The following HACE1 variants were observed in gnomAD, a reference collection of about 807,000 sequenced individuals.
HACE1 encodes the protein E3 ubiquitin-protein ligase HACE1.
A neutral mutation model predicts 118.4 loss-of-function variants in HACE1; 73 were observed. That is an observed-to-expected ratio of 0.62 (90% CI 0.51 to 0.75). HACE1 has a LOEUF of 0.75. Ranked by LOEUF, HACE1 falls within the 30% of genes least tolerant of loss-of-function variation. The pLI, the probability that HACE1 is intolerant of heterozygous loss-of-function variation, is 0.00. For synonymous variants in HACE1, 368 were observed against 374.8 expected (o/e 0.98, Z 0.21); for missense variants, 749 against 1,102.2 (o/e 0.68, Z 4.54).
At chr6:104,801,708 T>G (rs1259362131) in intron 7 of HACE1, among the ~76,000 whole-genome samples, 1 of 152,118 alleles carries the variant, frequency 6.6e-6, no homozygotes, top group Non-Finnish European at 1.5e-5. Context: ...CAAGAGCTCC[T>G]CCTGAAGGAA....
chr6:104,858,134 A>T (rs1776927062), intron 1 of HACE1, among the ~76,000 whole-genome samples: 1 of 152,192 alleles, frequency 6.6e-6, no homozygotes. Context: ...CTACAATGAA[A>T]CTATATTACT....
chr6:104,773,888 T>C (rs1345961021), intron 17 of HACE1, among the ~76,000 whole-genome samples: 1 of 151,852 alleles, frequency 6.6e-6, no homozygotes, highest in Non-Finnish European at 1.5e-5. Context: ...TCAAAAAATA[T>C]ATATAGCTGT....
chr6:104,851,226 G>A (rs1776172352), intron 2 of HACE1, among the ~76,000 whole-genome samples: 1 of 152,144 alleles, frequency 6.6e-6, no homozygotes, highest in Non-Finnish European at 1.5e-5. Flanking sequence ...CAGGACTACA[G>A]GCGCATGCCA....
At chr6:104,742,874 G>T (rs1776928467) in intron 22 of HACE1, among the ~76,000 whole-genome samples, 1 of 151,916 alleles carries the variant, frequency 6.6e-6, no homozygotes, top group African/African-American at 2.4e-5. Flanking sequence ...TATGTTTATT[G>T]CGGCATTATT....
At chr6:104,761,433 C>T (rs914706855) in intron 19 of HACE1, among the ~76,000 whole-genome samples, 11 of 152,242 alleles carry the variant, frequency 7.2e-5, no homozygotes, top group Middle Eastern at 3.4e-3. Flanking sequence ...ATCCGACACA[C>T]ATAAGCAATA....
At chr6:104,771,120 G>A in intron 19 of HACE1, 73 bp downstream of exon 19, 1 of 1,070,860 alleles carries the variant, frequency 9.3e-7, no homozygotes, top group Non-Finnish European at 1.5e-6. Context: ...AGTGCCAGAA[G>A]AATTTAGAGT....
intron 11 of HACE1, among the ~76,000 whole-genome samples, chr6:104,791,261 AC>A (rs1179378860): frequency 9.2e-5 from 14 of 152,146 alleles, no homozygotes; most frequent in African/African-American, 2.9e-4. Flanking sequence ...AAATATCTCT[AC>A]CCTTAGAATA....
intron 7 of HACE1, among the ~76,000 whole-genome samples, chr6:104,801,813 G>C (rs1770391821): frequency 6.6e-6 from 1 of 152,112 alleles, no homozygotes; most frequent in African/African-American, 2.4e-5. Context: ...TAACGGGCAA[G>C]ATAACCAGCT....
At chr6:104,811,866 C>T (rs1045295167) in intron 6 of HACE1, among the ~76,000 whole-genome samples, 1 of 151,862 alleles carries the variant, frequency 6.6e-6, no homozygotes, top group Non-Finnish European at 1.5e-5. Context: ...AAACTAAGCA[C>T]CAGAATAATA....
chr6:104,771,490 AAATAT>A (rs1780593454), intron 18 of HACE1, 101 bp from the exon 19 acceptor site: 1 of 725,740 alleles, frequency 1.4e-6, no homozygotes, highest in South Asian at 1.5e-5. Flanking sequence ...AAAAACTGCA[AAATAT>A]AATACAATCC....
At chr6:104,836,751 C>A (rs373323053) in intron 5 of HACE1, among the ~76,000 whole-genome samples, 2 of 152,108 alleles carry the variant, frequency 1.3e-5, no homozygotes, top group Admixed American at 6.5e-5. Context: ...TACGTGCAGA[C>A]AACATGACTG....
chr6:104,822,475 C>T (rs1009384386), intron 6 of HACE1, among the ~76,000 whole-genome samples: 18 of 151,764 alleles, frequency 1.2e-4, no homozygotes, highest in Non-Finnish European at 1.9e-4. Context: ...ATCACTTGAG[C>T]CCAGGAGTTC....
chr6:104,822,106 C>G (rs562095453), intron 6 of HACE1, among the ~76,000 whole-genome samples: 1 of 149,242 alleles, frequency 6.7e-6, no homozygotes, highest in African/African-American at 2.5e-5. Flanking sequence ...CGGTGGCTCA[C>G]ACCTGTAATC....
chr6:104,783,465 T>C (rs779121465), intron 14 of HACE1, among the ~76,000 whole-genome samples: 1 of 152,312 alleles, frequency 6.6e-6, no homozygotes, highest in Non-Finnish European at 1.5e-5. Context: ...TTCTGGACAA[T>C]AGTTCTATGA....
intron 19 of HACE1, among the ~76,000 whole-genome samples, chr6:104,769,254 C>T (rs1461363632): frequency 6.6e-6 from 1 of 152,024 alleles, no homozygotes; most frequent in African/African-American, 2.4e-5. Flanking sequence ...AGGCTTGTCT[C>T]GAACTCCTGG....
At chr6:104,803,968 T>C (rs966720111) in intron 7 of HACE1, among the ~76,000 whole-genome samples, 12 of 152,238 alleles carry the variant, frequency 7.9e-5, no homozygotes, top group African/African-American at 2.9e-4. Flanking sequence ...GAAAACCACA[T>C]CGTCTCAGCC....
At chr6:104,783,069 C>T (rs1262717365) in intron 14 of HACE1, among the ~76,000 whole-genome samples, 2 of 152,208 alleles carry the variant, frequency 1.3e-5, no homozygotes, top group Admixed American at 1.3e-4. Context: ...ATAACTCTAT[C>T]TTGCTCCTAT....
At chr6:104,744,401 G>A in intron 21 of HACE1, 111 bp downstream of exon 21, 2 of 823,498 alleles carry the variant, frequency 2.4e-6, no homozygotes, top group Non-Finnish European at 4.2e-6. Context: ...AATAATTTGG[G>A]TAAACACTTT....
At chr6:104,789,930 T>G (rs1782835485) in intron 11 of HACE1, among the ~76,000 whole-genome samples, 1 of 151,606 alleles carries the variant, frequency 6.6e-6, no homozygotes, top group Non-Finnish European at 1.5e-5. Flanking sequence ...ACAAAAAGAG[T>G]AGGTCAATAA....
Sources: gnomAD v4.1 joint callset for allele counts (sites outside exome capture counted in the v4.1 genomes callset) on GRCh38, gnomAD v4.1.1 for gene constraint, MANE v1.5 for transcripts, NCBI Gene and HGNC (gene_info 2026-07-23, HGNC 2026-07-21) for gene names.